FBXL13: variants seen among roughly 807,000 people sequenced by gnomAD.
The protein encoded by FBXL13 is F-box and leucine rich repeat protein 13, also known as F-box and leucine-rich repeat protein 13.
Under a neutral mutation model 83.6 loss-of-function variants are expected in FBXL13, and 67 were observed. The ratio of observed to expected loss-of-function variants is 0.80; its 90% CI spans 0.66 to 0.98. The LOEUF is 0.98. Among genes scored for constraint, FBXL13 ranks in the 50% least tolerant of loss-of-function variants. The pLI is 0.00. For synonymous variants in FBXL13, 272 were observed against 299.5 expected, an observed-to-expected ratio of 0.91 and a Z score of 0.95; for missense variants, 822 against 866.5, an observed-to-expected ratio of 0.95 and a Z score of 0.64.
At chr7:103,069,052 T>A (rs180925846) in intron 1 of FBXL13, among the ~76,000 whole-genome samples, 1,666 of 151,904 alleles carry the variant, frequency 0.011, 31 homozygotes, top group African/African-American at 0.039. Flanking sequence ...GTCTGGGAAG[T>A]GAGGAGCACC....
At chr7:103,036,668 C>T (rs1795100336) in intron 2 of FBXL13, among the ~76,000 whole-genome samples, 1 of 152,136 alleles carries the variant, frequency 6.6e-6, no homozygotes, top group East Asian at 1.9e-4. Context: ...TGCACCACCA[C>T]ACGTAGCTAA....
At chr7:102,850,796 C>G (rs1805086428) in intron 17 of FBXL13, among the ~76,000 whole-genome samples, 1 of 152,098 alleles carries the variant, frequency 6.6e-6, no homozygotes, top group African/African-American at 2.4e-5. Context: ...ATTAAATATA[C>G]TACCAGGCAG....
chr7:103,046,485 AG>A (rs969366518), intron 2 of FBXL13, among the ~76,000 whole-genome samples: 2 of 152,206 alleles, frequency 1.3e-5, no homozygotes, highest in Non-Finnish European at 2.9e-5. Context: ...GTGGGCTAAG[AG>A]GAGTTTTGAC....
At chr7:102,868,290 C>T (rs953180460) in intron 16 of FBXL13, among the ~76,000 whole-genome samples, 1 of 152,106 alleles carries the variant, frequency 6.6e-6, no homozygotes, top group African/African-American at 2.4e-5. Flanking sequence ...TACCTATTGA[C>T]CAACCTCTCC....
intron 6 of FBXL13, among the ~76,000 whole-genome samples, chr7:103,011,078 C>T (rs752166716): frequency 5.3e-5 from 8 of 152,262 alleles, no homozygotes; most frequent in African/African-American, 1.4e-4. Flanking sequence ...CAAGAGACAT[C>T]GGCCCACACA....
chr7:102,832,706 G>T (rs537152394), intron 18 of FBXL13, 134 bp downstream of exon 19: 2 of 1,100,636 alleles, frequency 1.8e-6, no homozygotes, highest in African/African-American at 1.6e-5. Flanking sequence ...TTTGAGGATA[G>T]AAGAAAAAAA....
intron 6 of FBXL13, among the ~76,000 whole-genome samples, chr7:103,016,683 G>A (rs183427763): frequency 2.6e-5 from 4 of 152,264 alleles, no homozygotes; most frequent in African/African-American, 4.8e-5. Context: ...ATTATATCCC[G>A]CGCCTGGCTC....
Position 102,909,463 on chromosome 7 carries a change from C to A in FBXL13, c.1008+3623G>T, listed in dbSNP as rs1331995133. 6.6e-5 allele frequency among the ~76,000 whole-genome samples: 10 copies of A among 152,090 alleles called. No individual in the cohort carries two copies. The South Asian group carries it at 1.0e-3, about 16-fold the overall frequency. On this transcript the variant is annotated intron_variant, in intron 11 of 19. Transcript: ENST00000313221. Reference sequence around the variant, plus strand: ...TTTTCCCTCGCAAGCAAGAGTTTTGCCCCATAGCTACCCTAGCTGGTAATA... The same window carrying A: ...TTTTCCCTCGCAAGCAAGAGTTTTGACCCATAGCTACCCTAGCTGGTAATA...
chr7:102,828,152 G>C (rs1800064275), intron 18 of FBXL13, among the ~76,000 whole-genome samples: 1 of 152,106 alleles, frequency 6.6e-6, no homozygotes, highest in Non-Finnish European at 1.5e-5. Flanking sequence ...GGATGGCATT[G>C]AATCTATAAA....
chr7:103,071,101 A>T (rs576047134), intron 1 of FBXL13, among the ~76,000 whole-genome samples: 1 of 152,334 alleles, frequency 6.6e-6, no homozygotes, highest in African/African-American at 2.4e-5. Context: ...CATAAAACAA[A>T]ATTAGTAAAC....
intron 19 of FBXL13, among the ~76,000 whole-genome samples, chr7:102,819,038 T>G (rs1243709060): frequency 6.6e-6 from 1 of 152,154 alleles, no homozygotes; most frequent in Non-Finnish European, 1.5e-5. Context: ...CACTTATAAG[T>G]GAGAACATGC....
intron 18 of FBXL13, among the ~76,000 whole-genome samples, chr7:102,831,063 C>A (rs1584487540): frequency 6.6e-6 from 1 of 152,126 alleles, no homozygotes; most frequent in Admixed American, 6.5e-5. Flanking sequence ...CCACCCCTGT[C>A]AGTCATTTTA....
chr7:102,948,721 CT>C (rs149969187), intron 8 of FBXL13, among the ~76,000 whole-genome samples: 5,388 of 147,212 alleles, frequency 0.037, 267 homozygotes, highest in African/African-American at 0.12. Flanking sequence ...CACGCCCAGC[CT>C]TTTTTTTTTG....
chr7:102,927,777 A>G (rs972140557), intron 9 of FBXL13, among the ~76,000 whole-genome samples: 1 of 152,254 alleles, frequency 6.6e-6, no homozygotes, highest in Non-Finnish European at 1.5e-5. Context: ...AAAATGAAGG[A>G]TTTGAATAGG....
At chr7:102,867,598 C>T (rs1221517422) in intron 16 of FBXL13, among the ~76,000 whole-genome samples, 1 of 147,678 alleles carries the variant, frequency 6.8e-6, no homozygotes, top group Non-Finnish European at 1.5e-5. Context: ...GCTTGGTCCA[C>T]CAGCCCATTG....
At position 103,009,532 on chromosome 7, in the gene FBXL13, T is replaced by C. The variant is rs193086916; in HGVS notation, c.495+15531A>G. Reference sequence around the variant, plus strand: ...CCCCTGGTTTCCCCCAACACCCTGCTATCACACTTTAGACTGAGGCAGAAA... The same window carrying C: ...CCCCTGGTTTCCCCCAACACCCTGCCATCACACTTTAGACTGAGGCAGAAA... On this transcript the variant is annotated intron_variant, in intron 6 of 19. Coordinates refer to ENST00000313221, the Ensembl canonical transcript of FBXL13. Among the ~76,000 whole-genome samples, 356 of 152,350 alleles carry C rather than the reference T, an allele frequency of 2.3e-3. 1 individual carries two copies. The highest frequency in any genetic ancestry group is 0.02 in the Middle Eastern group (6 of 294).
chr7:103,002,026 C>T (rs575999510), intron 6 of FBXL13, among the ~76,000 whole-genome samples: 1 of 152,246 alleles, frequency 6.6e-6, no homozygotes, highest in African/African-American at 2.4e-5. Flanking sequence ...GGACTGACTA[C>T]TGCCATTCTG....
At chr7:102,834,120 AAGAAAGAAAGAAAG>A (rs1298125691) in intron 17 of FBXL13, among the ~76,000 whole-genome samples, 1 of 114,422 alleles carries the variant, frequency 8.7e-6, no homozygotes, top group Non-Finnish European at 1.7e-5. Context: ...GAAAGAAAGA[AAGAAAGAAAGAAAG>A]AAAGAAAAGA....
At chr7:102,991,819 TAAC>T (rs1224305678) in intron 6 of FBXL13, among the ~76,000 whole-genome samples, 1 of 152,118 alleles carries the variant, frequency 6.6e-6, no homozygotes, top group Non-Finnish European at 1.5e-5. Flanking sequence ...GAAAAATACT[TAAC>T]AAGACAGGAA....
Sources: gnomAD v4.1 joint callset for allele counts (sites outside exome capture counted in the v4.1 genomes callset) on GRCh38, gnomAD v4.1.1 for gene constraint, MANE v1.5 for transcripts, NCBI Gene and HGNC (gene_info 2026-07-23, HGNC 2026-07-21) for gene names.